Variants in RPL9 observed in about 807,000 individuals in gnomAD.
RPL9 encodes the protein large ribosomal subunit protein uL6.
For missense variants in RPL9, 149 were observed against 236.7 expected, an observed-to-expected ratio of 0.63 and a Z score of 2.43; for synonymous variants, 82 against 77.1, an observed-to-expected ratio of 1.06 and a Z score of -0.33.
intron 1 of RPL9, 180 bp from the exon 2 acceptor site, chr4:39,458,620 C>A (rs764223072): frequency 2.2e-5 from 14 of 642,560 alleles, no homozygotes; most frequent in Non-Finnish European, 3.5e-5. Context: ...AGCCCCAAAG[C>A]GAGAATTACG....
In RPL9 at chr4:39,454,847, A is replaced by G; in HGVS notation, c.472+17T>C. On this transcript the variant is annotated intron_variant, in intron 6 of 7. Coordinates refer to ENST00000295955, the MANE Select transcript of RPL9 (RefSeq NM_000661.5). ...CAAAATCTTGTAGGCATAGTTAGAC[A>G]TAGTAAACATACAAACCTGAATTTG... is the stretch of plus-strand genomic sequence containing the variant. The G allele has an allele frequency of 1.2e-6, 2 of 1,610,418 alleles. No individual in the cohort carries two copies. The highest frequency in any genetic ancestry group is 8.5e-7 in the Non-Finnish European group (1 of 1,177,464).
In RPL9 at chr4:39,458,442, T is replaced by C; in HGVS notation, c.-1-2A>G. The C allele has an allele frequency of 1.2e-6, 2 of 1,614,226 alleles. No homozygotes were observed. Among genetic ancestry groups the C allele is most frequent in the South Asian group, 1.1e-5 (1 of 91,086 alleles). ...TGATTGCTGAGAATAGTCTTCATTC[T>C]GAAACACAAACACTGGGGGTGAGGC... On this transcript the variant is annotated splice_acceptor_variant, in intron 1 of 7. Coordinates refer to ENST00000295955, the MANE Select transcript of RPL9 (RefSeq NM_000661.5). LOFTEE classifies it low-confidence loss of function (5UTR_SPLICE).
intron 6 of RPL9, 100 bp downstream of exon 6, chr4:39,454,764 T>G: frequency 6.8e-7 from 1 of 1,462,452 alleles, no homozygotes; most frequent in South Asian, 1.3e-5. Flanking sequence ...ATTTTCACAA[T>G]TTAAAAAGCT....
chr4:39,454,778 C>T, intron 6 of RPL9, 86 bp downstream of exon 6: 2 of 1,480,706 alleles, frequency 1.4e-6, no homozygotes, highest in Non-Finnish European at 1.8e-6. Context: ...AAAAGCTAAT[C>T]AAATAAAAAT....
chr4:39,455,175 C>T (rs1744037307), intron 5 of RPL9: 2 of 385,620 alleles, frequency 5.2e-6, no homozygotes, highest in East Asian at 1.0e-4. Context: ...CTGTGAAACC[C>T]ATCTCTAGTA....
rs1423083673 is a variant in RPL9, at chr4:39,458,303, A to C, written c.53T>G (p.Ile18Ser). 6.2e-7 allele frequency: 1 copy of C among 1,613,996 alleles called. No individual in the cohort carries two copies. Among genetic ancestry groups the C allele is most frequent in the Admixed American group, 1.7e-5 (1 of 59,992 alleles). ...GATAACTGTGCGTCCCTTCAGAGTA[A>C]TGTCGACTAGAAGAGAGAACACACT... ...QTVDIPENVD[I>S]TLKGRTVIVK... The change falls in exon 3 of 8, where the codon ATT becomes AGT. Residue 18 changes from isoleucine (I) to serine (S), a missense_variant. By Grantham distance (142) the Ile-to-Ser change is moderately radical. Transcript: ENST00000295955.
chr4:39,456,139 G>A, intron 5 of RPL9: 2 of 457,830 alleles, frequency 4.4e-6, no homozygotes, highest in Non-Finnish European at 8.1e-6. Context: ...CTTTTTAAAA[G>A]ATTTCATTTG....
At chr4:39,457,462 T>C in intron 4 of RPL9, 124 bp downstream of exon 4, 1 of 825,248 alleles carries the variant, frequency 1.2e-6, no homozygotes, top group Non-Finnish European at 2.0e-6. Context: ...TTTTGCCAAG[T>C]TCTTGCGTAT....
At chr4:39,458,863 A>C in intron 1 of RPL9, 28 bp downstream of exon 1, 3 of 697,218 alleles carry the variant, frequency 4.3e-6, no homozygotes, top group Non-Finnish European at 7.9e-6. Flanking sequence ...GATTCCCAGT[A>C]CCCCCACGAG....
intron 5 of RPL9, 32 bp downstream of exon 5, chr4:39,456,374 T>C (rs1560659637): frequency 1.9e-6 from 3 of 1,613,256 alleles, no homozygotes; most frequent in Non-Finnish European, 2.5e-6. Context: ...GAAGGAAAAA[T>C]TTCTTAATTC....
chr4:39,457,508 G>C (rs1744150719), intron 4 of RPL9, 78 bp downstream of exon 4: 2 of 1,204,480 alleles, frequency 1.7e-6, no homozygotes, highest in Admixed American at 3.5e-5. Context: ...TTCTCTGAAA[G>C]AGACACTTAC....
At chr4:39,457,292 G>A in intron 4 of RPL9, 1 of 259,756 alleles carries the variant, frequency 3.8e-6, no homozygotes, top group East Asian at 8.6e-5. Context: ...ACTATGGGAG[G>A]CCAAGGTGGG....
chr4:39,456,797 G>A (rs1744104125), intron 4 of RPL9: 1 of 403,078 alleles, frequency 2.5e-6, no homozygotes, highest in South Asian at 2.8e-5. Context: ...GAACCCCAAA[G>A]CCCTGATCTT....
chr4:39,455,036 T>G (rs1744031559), intron 5 of RPL9, 92 bp from the exon 6 acceptor site: 1 of 1,265,188 alleles, frequency 7.9e-7, no homozygotes, highest in Admixed American at 2.3e-5. Flanking sequence ...TAAAACTCCA[T>G]GCACCAAAAG....
At chr4:39,455,263 G>A (rs537963631) in intron 5 of RPL9, 10 of 209,220 alleles carry the variant, frequency 4.8e-5, no homozygotes, top group African/African-American at 1.4e-4. Flanking sequence ...CAGGAGAATC[G>A]CTTGAAGCCA....
chr4:39,457,860 AC>A, intron 3 of RPL9, 179 bp from the exon 4 acceptor site: 2 of 641,004 alleles, frequency 3.1e-6, no homozygotes, highest in Non-Finnish European at 5.4e-6. Context: ...AGAAGTTGCA[AC>A]AAACTTCCCT....
chr4:39,458,465 G>A, intron 1 of RPL9, 25 bp from the exon 2 acceptor site: 4 of 1,613,108 alleles, frequency 2.5e-6, no homozygotes, highest in South Asian at 1.1e-5. Flanking sequence ...CTGGGGGTGA[G>A]GCCGACGCAA....
chr4:39,455,657 G>C (rs920773553), intron 5 of RPL9, among the ~76,000 whole-genome samples: 2 of 152,140 alleles, frequency 1.3e-5, no homozygotes, highest in Admixed American at 1.3e-4. Flanking sequence ...TGCAGTGCCA[G>C]CTAGTGGGGA....
At chr4:39,458,839 A>G in intron 1 of RPL9, 52 bp downstream of exon 1, 3 of 693,550 alleles carry the variant, frequency 4.3e-6, no homozygotes, top group Non-Finnish European at 5.3e-6. Context: ...CCTTTCCCAG[A>G]GCAGATGGTT....
Sources: allele counts gnomAD v4.1 joint callset (sites outside exome capture counted in the v4.1 genomes callset), GRCh38; gene constraint gnomAD v4.1.1; transcripts MANE v1.5; gene names NCBI Gene and HGNC (gene_info 2026-07-23, HGNC 2026-07-21).